FHIT: variants seen among roughly 807,000 people sequenced by gnomAD.
FHIT encodes the protein fragile histidine triad diadenosine triphosphatase.
A neutral mutation model predicts 17.9 loss-of-function variants in FHIT; 19 were observed. That is an observed-to-expected ratio of 1.06 (90% confidence interval 0.74 to 1.56). FHIT has a LOEUF of 1.56. Among genes scored for constraint, FHIT ranks in the 40% most tolerant of loss-of-function variants. The pLI, the probability that FHIT is intolerant of heterozygous loss-of-function variation, is 0.00. For missense variants in FHIT, 248 were observed against 189.2 expected, an observed-to-expected ratio of 1.31 and a Z score of -1.82; for synonymous variants, 81 against 69.7, an observed-to-expected ratio of 1.16 and a Z score of -0.81.
chr3:60,843,338 A>G (rs565527719), intron 3 of FHIT, among the ~76,000 whole-genome samples: 3 of 152,248 alleles, frequency 2.0e-5, no homozygotes, highest in South Asian at 2.1e-4. Flanking sequence ...TTATGTTCCA[A>G]TAATATCAAG....
rs1306472231 is a variant in FHIT at position 60,356,684 on chromosome 3, CA to C, written c.103+180175del. The stretch of plus-strand genomic sequence containing the variant: ...TACCAGATACTTGATTTGAGACTGA[CA>C]AAAATCTTCTATTCTTTCCTACGGA... On this transcript the variant is annotated intron_variant, in intron 5 of 9. Transcript: ENST00000492590. Among the ~76,000 whole-genome samples, 16 of 119,410 alleles carry C rather than the reference CA, an allele frequency of 1.3e-4. No individual in the cohort carries two copies. The East Asian group carries it at 4.4e-3, about 33-fold the overall frequency. 78.3% of individuals were successfully genotyped at this position (119,410 alleles called of 152,430 possible).
At chr3:61,092,947 C>G (rs1489391588) in intron 2 of FHIT, among the ~76,000 whole-genome samples, 1 of 152,168 alleles carries the variant, frequency 6.6e-6, no homozygotes, top group Non-Finnish European at 1.5e-5. Flanking sequence ...TATACAGAGT[C>G]TGATTAATTT....
At chr3:60,070,163 C>A (rs1702703460) in intron 5 of FHIT, among the ~76,000 whole-genome samples, 1 of 152,148 alleles carries the variant, frequency 6.6e-6, no homozygotes, top group Non-Finnish European at 1.5e-5. Flanking sequence ...TGCCCTGGGT[C>A]CAAACTCACC....
chr3:60,737,810 G>C (rs1227020446), intron 4 of FHIT, among the ~76,000 whole-genome samples: 1 of 152,160 alleles, frequency 6.6e-6, no homozygotes, highest in Non-Finnish European at 1.5e-5. Context: ...CATCACAATG[G>C]AATGTAAGTA....
At chr3:61,016,721 C>G (rs188111793) in intron 3 of FHIT, among the ~76,000 whole-genome samples, 1 of 152,350 alleles carries the variant, frequency 6.6e-6, no homozygotes, top group Non-Finnish European at 1.5e-5. Context: ...TAGCAACCAT[C>G]AAGCATAAAT....
chr3:60,146,249 T>TAA (rs5849335), intron 5 of FHIT, among the ~76,000 whole-genome samples: 30,913 of 143,906 alleles, frequency 0.21, 3,488 homozygotes, highest in Middle Eastern at 0.33. Context: ...TATACTCATT[T>TAA]AAAAAAAAAA....
At chr3:59,999,132 G>T (rs542986807) in intron 7 of FHIT, among the ~76,000 whole-genome samples, 1 of 152,194 alleles carries the variant, frequency 6.6e-6, no homozygotes, top group South Asian at 2.1e-4. Context: ...GTCGACAAAT[G>T]GGGCAGCAGA....
At chr3:60,140,737 C>T (rs1700007332) in intron 5 of FHIT, among the ~76,000 whole-genome samples, 1 of 152,014 alleles carries the variant, frequency 6.6e-6, no homozygotes, top group African/African-American at 2.4e-5. Flanking sequence ...CACCACCACG[C>T]CCAGCTAATT....
At chr3:60,873,157 G>A (rs1191528402) in intron 3 of FHIT, among the ~76,000 whole-genome samples, 3 of 151,814 alleles carry the variant, frequency 2.0e-5, no homozygotes, top group East Asian at 3.9e-4. Context: ...GAGAGAGAGA[G>A]AGAGTGAGAG....
chr3:60,660,727 C>CTTTTTTTTTTTTTTTTTTTTTTTT lies in FHIT; in HGVS notation c.-17-123749_-17-123748insAAAAAAAAAAAAAAAAAAAAAAAA, dbSNP rs1220817643. On this transcript the variant is annotated intron_variant, in intron 4 of 9. Transcript: ENST00000492590. Reference sequence around the variant, plus strand: ...ATGATGTGGAATATCTTTTATTGTGCTCTTTTTTTTTTTTTTTTTTTTTGC... The same window carrying CTTTTTTTTTTTTTTTTTTTTTTTT: ...ATGATGTGGAATATCTTTTATTGTGCTTTTTTTTTTTTTTTTTTTTTTTTTCTTTTTTTTTTTTTTTTTTTTTGC... Among the ~76,000 whole-genome samples, 16 of 16,722 alleles carry CTTTTTTTTTTTTTTTTTTTTTTTT rather than the reference C, an allele frequency of 9.6e-4. 2 individuals are homozygous for CTTTTTTTTTTTTTTTTTTTTTTTT. Among genetic ancestry groups the CTTTTTTTTTTTTTTTTTTTTTTTT allele is most frequent in the African/African-American group, 1.9e-3 (14 of 7,308 alleles). 11.0% of individuals were successfully genotyped at this position (16,722 alleles called of 152,430 possible). A position where few individuals can be genotyped will look rare whatever the true frequency, so the allele number is the denominator to read the frequency against.
At chr3:60,987,730 A>G (rs147423675) in intron 3 of FHIT, among the ~76,000 whole-genome samples, 277 of 152,316 alleles carry the variant, frequency 1.8e-3, no homozygotes, top group African/African-American at 6.2e-3. Flanking sequence ...TTATAGAGCC[A>G]AATCAGTAAG....
chr3:60,138,916 T>C (rs1699923202), intron 5 of FHIT, among the ~76,000 whole-genome samples: 1 of 152,070 alleles, frequency 6.6e-6, no homozygotes, highest in Admixed American at 6.6e-5. Flanking sequence ...CCTTTGACTT[T>C]ATAGGAAAGC....
intron 5 of FHIT, among the ~76,000 whole-genome samples, chr3:60,041,554 T>C (rs1281516477): frequency 1.3e-5 from 2 of 152,180 alleles, no homozygotes; most frequent in African/African-American, 4.8e-5. Flanking sequence ...GATCAGAACA[T>C]GCCTGCAACA....
intron 5 of FHIT, among the ~76,000 whole-genome samples, chr3:60,191,565 T>C (rs1310053161): frequency 6.6e-6 from 1 of 152,172 alleles, no homozygotes; most frequent in African/African-American, 2.4e-5. Flanking sequence ...CATGATCCTC[T>C]CCTCCAGAAA....
chr3:60,222,040 C>G (rs1222813138), intron 5 of FHIT, among the ~76,000 whole-genome samples: 2 of 152,108 alleles, frequency 1.3e-5, no homozygotes, highest in Non-Finnish European at 2.9e-5. Flanking sequence ...GGAACAGATA[C>G]TGGTAGGCAG....
At chr3:60,194,384 A>T (rs1702529678) in intron 5 of FHIT, among the ~76,000 whole-genome samples, 1 of 152,214 alleles carries the variant, frequency 6.6e-6, no homozygotes, top group Non-Finnish European at 1.5e-5. Context: ...GGATAGCCCC[A>T]TGTAGAAGAA....
chr3:60,727,430 T>C (rs995491448), intron 4 of FHIT, among the ~76,000 whole-genome samples: 3 of 152,178 alleles, frequency 2.0e-5, no homozygotes, highest in Non-Finnish European at 2.9e-5. Context: ...AAAGACATAA[T>C]TATGATAAGA....
chr3:59,928,103 C>T (rs1705764652), intron 7 of FHIT, among the ~76,000 whole-genome samples: 1 of 152,184 alleles, frequency 6.6e-6, no homozygotes, highest in African/African-American at 2.4e-5. Flanking sequence ...CAACCTCCAC[C>T]AGTTGGCCCT....
intron 4 of FHIT, among the ~76,000 whole-genome samples, chr3:60,788,010 C>T (rs1292624411): frequency 6.6e-6 from 1 of 152,126 alleles, no homozygotes; most frequent in African/African-American, 2.4e-5. Flanking sequence ...TTCATTCAGG[C>T]TCAGGTTAAA....
Sources: gnomAD v4.1 joint callset for allele counts (sites outside exome capture counted in the v4.1 genomes callset) on GRCh38, gnomAD v4.1.1 for gene constraint, MANE v1.5 for transcripts, NCBI Gene and HGNC (gene_info 2026-07-23, HGNC 2026-07-21) for gene names.